MCM3AP: variants seen among roughly 807,000 people sequenced by gnomAD.
The protein encoded by MCM3AP is minichromosome maintenance complex component 3 associated protein, also known as germinal-center associated nuclear protein.
MCM3AP carries 126 observed loss-of-function variants against 184.1 expected under a neutral mutation model. The observed-to-expected ratio is 0.68, with a 90% CI of 0.59 to 0.79. The LOEUF is 0.79. Among genes scored for constraint, MCM3AP ranks in the 30% least tolerant of loss-of-function variants. MCM3AP has a pLI of 0.00. For synonymous variants in MCM3AP, 1,002 were observed against 979.3 expected, an observed-to-expected ratio of 1.02 and a Z score of -0.43; for missense variants, 2,496 against 2,479.2, an observed-to-expected ratio of 1.01 and a Z score of -0.14.
At chr21:46,261,463 G>T in intron 13 of MCM3AP, 52 bp from the exon 14 acceptor site, 4 of 1,575,824 alleles carry the variant, frequency 2.5e-6, no homozygotes, top group Non-Finnish European at 3.5e-6. Flanking sequence ...GGCCGGGTGC[G>T]GTGGCTCACG....
intron 17 of MCM3AP, 193 bp downstream of exon 17, chr21:46,256,596 T>A: frequency 1.6e-6 from 1 of 643,558 alleles, no homozygotes; most frequent in Non-Finnish European, 2.6e-6. Context: ...GTGGAACAAG[T>A]CACATGTCCA....
intron 5 of MCM3AP, among the ~76,000 whole-genome samples, chr21:46,275,975 G>A (rs540791183): frequency 6.6e-6 from 1 of 152,086 alleles, no homozygotes; most frequent in Non-Finnish European, 1.5e-5. Context: ...ACCTGGGCCC[G>A]GCCTGGTGGC....
chr21:46,273,944 G>C (rs1384920094), intron 6 of MCM3AP, among the ~76,000 whole-genome samples: 1 of 152,242 alleles, frequency 6.6e-6, no homozygotes, highest in Non-Finnish European at 1.5e-5. Context: ...AGTCTACACA[G>C]AGCAGAAGTG....
intron 26 of MCM3AP, 124 bp from the exon 27 acceptor site, chr21:46,237,103 T>TA: frequency 3.6e-6 from 1 of 277,190 alleles, no homozygotes; most frequent in Non-Finnish European, 6.0e-6. Flanking sequence ...TTATATAATT[T>TA]TTTTTTTTTT....
At position 46,240,963 on chromosome 21, in the gene MCM3AP, A is replaced by G; in HGVS notation, c.5481T>C (p.Leu1827=). The G allele has an allele frequency of 6.2e-7, 1 of 1,614,182 alleles. No homozygotes were observed. The highest frequency in any genetic ancestry group is 8.5e-7 in the Non-Finnish European group (1 of 1,180,038). ...TCCTCTTCCAGTTACGGTGCATGTGAAGCAATGGTATGGGAAAATTGTTTG... is the reference window on the plus strand; with the variant it reads ...TCCTCTTCCAGTTACGGTGCATGTGGAGCAATGGTATGGGAAAATTGTTTG... ...PSANNFPIPL[L]HMHRNWKRST... is the part of the protein sequence containing the mutation. Residue 1827 remains leucine (L), a synonymous_variant, in exon 26 of 28, where the codon CTT becomes CTC. Transcript: ENST00000291688.
At chr21:46,251,878 G>GTTAT in intron 19 of MCM3AP, 196 bp from the exon 20 acceptor site, 9 of 185,946 alleles carry the variant, frequency 4.8e-5, no homozygotes, top group East Asian at 1.3e-4. Context: ...ATCTGTACTC[G>GTTAT]TTCTTTTTTT....
chr21:46,253,280 A>G (rs1244354293), intron 19 of MCM3AP: 1 of 152,260 alleles, frequency 6.6e-6, no homozygotes, highest in Non-Finnish European at 1.5e-5. Flanking sequence ...GAACTATAGT[A>G]AACAGACTAT....
chr21:46,262,535 C>T (rs2081053349), intron 13 of MCM3AP, among the ~76,000 whole-genome samples: 1 of 151,948 alleles, frequency 6.6e-6, no homozygotes. Flanking sequence ...GTGGTCCTAG[C>T]TACTTGGGAG....
At position 46,277,598 on chromosome 21, in the gene MCM3AP, A is replaced by C. The variant is rs1176857177; in HGVS notation, c.1787T>G (p.Ile596Arg). The C allele has an allele frequency of 6.2e-7, 1 of 1,611,672 alleles. No homozygotes were observed. Among genetic ancestry groups the C allele is most frequent in the East Asian group, 2.2e-5 (1 of 44,666 alleles). The change falls in exon 5 of 28, where the codon ATA becomes AGA. Residue 596 changes from isoleucine (I) to arginine (R), a missense_variant. Coordinates refer to ENST00000291688, the MANE Select transcript of MCM3AP (RefSeq NM_003906.5). Reference protein sequence around the residue: ...GPCVLSLSTLIGTVAETSKEK... With the variant: ...GPCVLSLSTLRGTVAETSKEK... Reference sequence around the variant, plus strand: ...CTTGGATGTCTCAGCCACAGTGCCTATCAGGGTACTGAGGGAGAGCACACA... The same window carrying C: ...CTTGGATGTCTCAGCCACAGTGCCTCTCAGGGTACTGAGGGAGAGCACACA...
intron 25 of MCM3AP, chr21:46,241,612 A>G (rs565453809): frequency 6.5e-6 from 1 of 153,030 alleles, no homozygotes; most frequent in South Asian, 2.1e-4. Flanking sequence ...GCTTTACTGT[A>G]TGTCTTGGTA....
intron 2 of MCM3AP, among the ~76,000 whole-genome samples, chr21:46,282,679 C>T (rs2081348810): frequency 6.6e-6 from 1 of 151,714 alleles, no homozygotes; most frequent in Admixed American, 6.6e-5. Context: ...GTGGCGGGCG[C>T]CTGTAGTTCC....
At chr21:46,274,358 T>C (rs1201188403) in intron 6 of MCM3AP, among the ~76,000 whole-genome samples, 1 of 152,174 alleles carries the variant, frequency 6.6e-6, no homozygotes, top group Non-Finnish European at 1.5e-5. Context: ...AAGAAAATAA[T>C]CTAAATACCA....
At chr21:46,259,947 A>T (rs1434547319) in intron 15 of MCM3AP, among the ~76,000 whole-genome samples, 1 of 151,094 alleles carries the variant, frequency 6.6e-6, no homozygotes, top group Non-Finnish European at 1.5e-5. Context: ...ATGGCGGTGC[A>T]TGCCTGTAAT....
chr21:46,283,297 A>C (rs573036883), intron 2 of MCM3AP, among the ~76,000 whole-genome samples: 3 of 152,204 alleles, frequency 2.0e-5, no homozygotes, highest in Non-Finnish European at 4.4e-5. Flanking sequence ...CAAAAACAAA[A>C]CCAAAAAACT....
In MCM3AP at chr21:46,257,421, G is replaced by T. The variant is rs1398847776; in HGVS notation, c.3735-435C>A. On this transcript the variant is annotated intron_variant, in intron 16 of 27. Transcript: ENST00000291688. ...ACCCAGGAGGTGGAGGTTGCAGTGA[G>T]CCGAGATCACACCACTGCACTCCAG... Among the ~76,000 whole-genome samples the T allele has an allele frequency of 2.3e-5, 3 of 131,692 alleles. No individual in the cohort carries two copies. The Admixed American group carries it at 2.5e-4, about 11-fold the overall frequency. The allele number at this position is 131,692 out of a possible 152,430, so 86.4% of individuals were successfully genotyped here.
Position 46,283,625 on chromosome 21 carries a change from A to T in MCM3AP, c.1433T>A (p.Phe478Tyr). ...RRSKKLAVVH[F>Y]FDHASAALAR... ...GATGGGAGTACTCACATGATCAAAG[A>T]AATGTACCACTGCAAGCTTTTTGCT... Residue 478 changes from phenylalanine to tyrosine, a missense_variant, in exon 2 of 28, where the codon TTC becomes TAC. Physicochemically the swap from Phe to Tyr is conservative, Grantham distance 22. This residue lies in a region of MCM3AP where 800 missense variants were observed against 717.1 expected (regional missense o/e 1.12). Transcript: ENST00000291688. 6.2e-7 allele frequency: 1 copy of T among 1,612,790 alleles called. No individual in the cohort carries two copies. The highest frequency in any genetic ancestry group is 8.5e-7 in the Non-Finnish European group (1 of 1,178,848).
chr21:46,236,676 A>G (rs17176981), intron 27 of MCM3AP, among the ~76,000 whole-genome samples, 153 bp downstream of exon 27: 36 of 152,368 alleles, frequency 2.4e-4, no homozygotes, highest in African/African-American at 8.4e-4. Flanking sequence ...TTTAACAATG[A>G]TATGGATAAA....
intron 20 of MCM3AP, among the ~76,000 whole-genome samples, chr21:46,247,460 C>T (rs2080793470): frequency 3.4e-5 from 1 of 29,368 alleles, no homozygotes. Context: ...ATCTCAGCTC[C>T]CTGCAATTTC....
chr21:46,267,180 A>G, intron 9 of MCM3AP, 38 bp from the exon 10 acceptor site: 1 of 1,589,658 alleles, frequency 6.3e-7, no homozygotes, highest in Non-Finnish European at 8.6e-7. Context: ...TCTCAGACGA[A>G]GGCCCAGTCA....
Sources: gnomAD v4.1 joint callset for allele counts (sites outside exome capture counted in the v4.1 genomes callset) on GRCh38, gnomAD v4.1.1 for gene constraint, gnomAD v4.1.1 regional missense constraint, MANE v1.5 for transcripts, NCBI Gene and HGNC (gene_info 2026-07-23, HGNC 2026-07-21) for gene names.